Variants in KCNH1 observed in about 807,000 individuals in gnomAD.
KCNH1 encodes potassium voltage-gated channel subfamily H member 1, also known as voltage-gated delayed rectifier potassium channel KCNH1.
Under a neutral mutation model 69.2 loss-of-function variants are expected in KCNH1, and 27 were observed. The ratio of observed to expected loss-of-function variants is 0.39; its 90% confidence interval spans 0.29 to 0.54. KCNH1 has a LOEUF of 0.54. KCNH1 is among the 20% of genes least tolerant of loss of function. KCNH1 has a pLI of 0.68. For synonymous variants in KCNH1, 456 were observed against 487.7 expected (o/e 0.93, Z 0.86); for missense variants, 798 against 1,261.6 (o/e 0.63, Z 5.57).
chr1:210,849,838 C>T (rs976106766), intron 7 of KCNH1, among the ~76,000 whole-genome samples: 1 of 152,112 alleles, frequency 6.6e-6, no homozygotes, highest in African/African-American at 2.4e-5. Flanking sequence ...TCCCTTCCTG[C>T]TGTTACTGTC....
chr1:210,694,170 C>T (rs1331590460), intron 10 of KCNH1, among the ~76,000 whole-genome samples: 1 of 152,060 alleles, frequency 6.6e-6, no homozygotes, highest in African/African-American at 2.4e-5. Flanking sequence ...AGCCTAGAAC[C>T]CCTAGAATGA....
chr1:210,989,968 T>C (rs541227909), intron 6 of KCNH1, among the ~76,000 whole-genome samples: 1 of 152,248 alleles, frequency 6.6e-6, no homozygotes, highest in Non-Finnish European at 1.5e-5. Context: ...AGCTACTGTG[T>C]TATGAACATG....
chr1:210,899,574 T>G (rs1686952278), intron 7 of KCNH1, among the ~76,000 whole-genome samples: 1 of 152,130 alleles, frequency 6.6e-6, no homozygotes, highest in South Asian at 2.1e-4. Flanking sequence ...GTTTTAAGAT[T>G]ATAAGGGAGT....
chr1:211,056,982 C>T (rs944542213), intron 5 of KCNH1, among the ~76,000 whole-genome samples: 65 of 152,240 alleles, frequency 4.3e-4, no homozygotes, highest in African/African-American at 1.5e-3. Context: ...TGAACATCCA[C>T]CAGTATCGAG....
At chr1:211,129,578 C>T (rs1401813284) in intron 1 of KCNH1, among the ~76,000 whole-genome samples, 1 of 152,200 alleles carries the variant, frequency 6.6e-6, no homozygotes. Flanking sequence ...ATAGCTGAGC[C>T]TTGGCTGAAG....
At chr1:211,091,243 G>A (rs775478853) in intron 3 of KCNH1, among the ~76,000 whole-genome samples, 9 of 152,080 alleles carry the variant, frequency 5.9e-5, no homozygotes, top group Non-Finnish European at 1.0e-4. Context: ...GTACAATGGT[G>A]CAATCTTGGC....
chr1:211,016,999 A>G (rs1689505057), intron 6 of KCNH1, among the ~76,000 whole-genome samples: 1 of 151,840 alleles, frequency 6.6e-6, no homozygotes, highest in Non-Finnish European at 1.5e-5. Context: ...CTTGTAAATG[A>G]TCAGTCTTGA....
chr1:210,696,130 C>G (rs1357390585), intron 10 of KCNH1, among the ~76,000 whole-genome samples: 1 of 152,214 alleles, frequency 6.6e-6, no homozygotes, highest in Non-Finnish European at 1.5e-5. Flanking sequence ...CTCCGGGACA[C>G]AGGTCAAGCC....
intron 7 of KCNH1, among the ~76,000 whole-genome samples, chr1:210,843,063 T>A (rs766607079): frequency 7.2e-5 from 11 of 152,102 alleles, no homozygotes; most frequent in Admixed American, 2.0e-4. Flanking sequence ...GTGAAAGAAA[T>A]AAGGAATGTG....
At chr1:211,045,474 C>A (rs12124026) in intron 5 of KCNH1, among the ~76,000 whole-genome samples, 111,569 of 151,862 alleles carry the variant, frequency 0.73, 41,453 homozygotes, top group South Asian at 0.83. Context: ...GCCAAAGAAG[C>A]AGCTAAATAA....
chr1:210,710,850 G>A (rs988505707), intron 10 of KCNH1, among the ~76,000 whole-genome samples: 3 of 152,170 alleles, frequency 2.0e-5, no homozygotes, highest in Non-Finnish European at 4.4e-5. Flanking sequence ...GACATGTTAT[G>A]TCTTCACTCC....
chr1:211,026,840 C>A (rs1315832537), intron 5 of KCNH1, among the ~76,000 whole-genome samples: 1 of 152,182 alleles, frequency 6.6e-6, no homozygotes, highest in African/African-American at 2.4e-5. Flanking sequence ...TAGCGAGGAG[C>A]TGGAATTCCT....
intron 5 of KCNH1, among the ~76,000 whole-genome samples, chr1:211,045,812 T>C (rs1231225603): frequency 6.6e-6 from 1 of 152,228 alleles, no homozygotes; most frequent in East Asian, 1.9e-4. Flanking sequence ...AGTGAAACTT[T>C]GTGCCCTTTG....
At chr1:211,059,901 A>T (rs1202116307) in intron 5 of KCNH1, among the ~76,000 whole-genome samples, 1 of 152,232 alleles carries the variant, frequency 6.6e-6, no homozygotes, top group African/African-American at 2.4e-5. Context: ...AATGTTTACA[A>T]AACATTTCAT....
chr1:210,990,164 G>A (rs1688912296), intron 6 of KCNH1, among the ~76,000 whole-genome samples: 1 of 152,188 alleles, frequency 6.6e-6, no homozygotes, highest in South Asian at 2.1e-4. Context: ...AATGAGGCTG[G>A]AGTTACAGCC....
intron 3 of KCNH1, among the ~76,000 whole-genome samples, chr1:211,091,016 C>T (rs1308774383): frequency 6.6e-6 from 1 of 152,086 alleles, no homozygotes; most frequent in Non-Finnish European, 1.5e-5. Flanking sequence ...AAAGACTTAC[C>T]TTAGACCACA....
chr1:210,974,916 A>C (rs939221907), intron 6 of KCNH1, among the ~76,000 whole-genome samples: 3 of 152,046 alleles, frequency 2.0e-5, no homozygotes, highest in African/African-American at 4.8e-5. Flanking sequence ...ACATCTATAG[A>C]TGTTTTGTAC....
At chr1:210,872,822 T>C (rs1686282181) in intron 7 of KCNH1, among the ~76,000 whole-genome samples, 1 of 152,120 alleles carries the variant, frequency 6.6e-6, no homozygotes, top group Admixed American at 6.5e-5. Context: ...CCACCAATAG[T>C]GGGGATTATC....
At chr1:210,909,563 C>T (rs1558521256) in intron 7 of KCNH1, among the ~76,000 whole-genome samples, 1 of 152,158 alleles carries the variant, frequency 6.6e-6, no homozygotes, top group East Asian at 1.9e-4. Context: ...AGAAACGGGC[C>T]CAGGACTTAA....
Sources: gnomAD v4.1 joint callset for allele counts (sites outside exome capture counted in the v4.1 genomes callset) on GRCh38, gnomAD v4.1.1 for gene constraint, MANE v1.5 for transcripts, NCBI Gene and HGNC (gene_info 2026-07-23, HGNC 2026-07-21) for gene names.